ZBTB40: variants seen among roughly 807,000 people sequenced by gnomAD.
ZBTB40 encodes the protein zinc finger and BTB domain containing 40.
Under a neutral mutation model 117.5 loss-of-function variants are expected in ZBTB40, and 60 were observed. That is an observed-to-expected ratio of 0.51 (90% CI 0.41 to 0.63). The LOEUF (loss-of-function observed/expected upper bound fraction) is 0.63, where lower values mean the gene tolerates loss of function less well. ZBTB40 is among the 30% of genes least tolerant of loss of function. The pLI, the probability that ZBTB40 is intolerant of heterozygous loss-of-function variation, is 0.00. For missense variants in ZBTB40, 1,287 were observed against 1,498.5 expected (o/e 0.86, Z 2.33); for synonymous variants, 525 against 577.1 (o/e 0.91, Z 1.29).
intron 1 of ZBTB40, among the ~76,000 whole-genome samples, chr1:22,431,476 C>T (rs968391286): frequency 4.7e-5 from 7 of 150,388 alleles, no homozygotes; most frequent in South Asian, 2.1e-4. Context: ...CAGTGGCCCA[C>T]GCCTGTAATC....
chr1:22,527,639 T>C lies in ZBTB40; in HGVS notation c.*1243T>C, dbSNP rs1639717270. ...CACCAGGCAGGGCTGTCTGCCACCT[T>C]GTGTGGCTTGACCCCCTGTGGAGGG... On this transcript the variant is annotated 3_prime_UTR_variant, in exon 18 of 18. Transcript: ENST00000375647. The C allele has an allele frequency of 6.6e-6, 1 of 152,390 alleles. No homozygotes were observed. The highest frequency in any genetic ancestry group is 1.5e-5 in the Non-Finnish European group (1 of 68,042). The allele number at this position is 152,390 out of a possible 1,614,324, so 9.4% of individuals were successfully genotyped here.
At chr1:22,431,366 G>GTT (rs1413520849) in intron 1 of ZBTB40, among the ~76,000 whole-genome samples, 4 of 14,944 alleles carry the variant, frequency 2.7e-4, no homozygotes, top group African/African-American at 5.0e-4. Flanking sequence ...TATATTTTGT[G>GTT]TGTGTGTGTG....
At chr1:22,519,858 C>T (rs1214309540) in intron 13 of ZBTB40, 3 of 648,332 alleles carry the variant, frequency 4.6e-6, no homozygotes, top group Non-Finnish European at 8.4e-6. Context: ...TGGAGGAATC[C>T]CACCTCCTAG....
rs1299122165 is a variant in ZBTB40 at position 22,517,324 on chromosome 1, G to A, written c.2693G>A (p.Cys898Tyr). The A allele has an allele frequency of 6.2e-7, 1 of 1,614,194 alleles. No homozygotes were observed. The highest frequency in any genetic ancestry group is 1.1e-5 in the South Asian group (1 of 91,088). ...GGGAAAATGTATGCATGCCAGTACT[G>A]TGATGCTGTGTTTGCCCAGTCTATT... The part of the protein sequence containing the change: ...SEGKMYACQY[C>Y]DAVFAQSIEL... The change falls in exon 13 of 18, where the codon TGT becomes TAT. Residue 898 changes from cysteine (C) to tyrosine (Y), a missense_variant. Around this residue, in one of 2 missense-constraint regions of ZBTB40, gnomAD observed 417 missense variants for 564.1 expected, o/e 0.74. Transcript: ENST00000375647.
chr1:22,475,273 C>T (rs1641527112), intron 1 of ZBTB40, among the ~76,000 whole-genome samples: 1 of 152,194 alleles, frequency 6.6e-6, no homozygotes, highest in Non-Finnish European at 1.5e-5. Context: ...TTTAATTATG[C>T]TGTTCCTAGT....
Position 22,511,619 on chromosome 1 carries a change from A to G in ZBTB40, c.2003-57A>G, listed in dbSNP as rs183421528. ...CTGTAAGAAGTGTGTTAGAAACGTT[A>G]TAAAGCAAAATAGAAACAGAGAGTT... On this transcript the variant is annotated intron_variant, in intron 10 of 17. Coordinates refer to ENST00000375647, the MANE Select transcript of ZBTB40 (RefSeq NM_014870.4). 7.0e-4 allele frequency: 1,104 copies of G among 1,579,962 alleles called. 3 individuals carry two copies. Among genetic ancestry groups the G allele is most frequent in the Non-Finnish European group, 5.6e-4 (654 of 1,161,038 alleles).
chr1:22,519,811 C>G (rs1639472016), intron 13 of ZBTB40: 2 of 556,948 alleles, frequency 3.6e-6, no homozygotes, highest in Admixed American at 6.1e-5. Flanking sequence ...TGGAGATGAA[C>G]TACATGATGC....
chr1:22,525,756 C>T (rs1234135679), intron 17 of ZBTB40, among the ~76,000 whole-genome samples: 4 of 152,258 alleles, frequency 2.6e-5, no homozygotes, highest in Admixed American at 2.0e-4. Context: ...TGTGAGCCTG[C>T]GAGAGGTCCA....
Position 22,495,522 on chromosome 1 carries a change from G to GT in ZBTB40, c.831+3996dup, listed in dbSNP as rs571184061. On this transcript the variant is annotated intron_variant, in intron 3 of 17. Transcript: ENST00000375647. ...TTTTTGTTTTGTTTTGTTTTGTTTTGTTTTTTTGAGACGGAATCTTGCTCT... is the reference window on the plus strand; with the variant it reads ...TTTTTGTTTTGTTTTGTTTTGTTTTGTTTTTTTTGAGACGGAATCTTGCTCT... 3.3e-5 allele frequency among the ~76,000 whole-genome samples: 5 copies of GT among 151,750 alleles called. No individual in the cohort carries two copies. In the South Asian group the frequency reaches 1.0e-3, roughly 32 times the overall value.
At chr1:22,496,916 C>T (rs1569847481) in intron 3 of ZBTB40, among the ~76,000 whole-genome samples, 1 of 152,192 alleles carries the variant, frequency 6.6e-6, no homozygotes, top group Admixed American at 6.5e-5. Flanking sequence ...TGGATCAGTC[C>T]AAGTCCCAAA....
Position 22,511,255 on chromosome 1 carries a change from C to G in ZBTB40, c.1910C>G (p.Ser637Ter). The G allele has an allele frequency of 6.2e-7, 1 of 1,614,080 alleles. No homozygotes were observed. Among genetic ancestry groups the G allele is most frequent in the Non-Finnish European group, 8.5e-7 (1 of 1,180,026 alleles). The part of the protein sequence containing the change: ...RAVLSRAMEK[S>*]VPAIEICHLL... ...GTGCTGAGCAGAGCCATGGAAAAAT[C>G]AGTCCCGGCCATTGAAATATGCCAC... is the stretch of plus-strand genomic sequence containing the variant. The change falls in exon 10 of 18, where the codon TCA (serine) becomes TGA (stop). Residue 637 changes from serine (S) to a stop codon, truncating the protein, a stop_gained. Transcript: ENST00000375647. LOFTEE classifies it high-confidence loss of function.
At chr1:22,515,884 C>G (rs1319817491) in intron 12 of ZBTB40, among the ~76,000 whole-genome samples, 1 of 152,156 alleles carries the variant, frequency 6.6e-6, no homozygotes, top group East Asian at 1.9e-4. Flanking sequence ...GAAGTTAATT[C>G]TGGCCACTCC....
At chr1:22,524,636 G>A (rs1274343597) in intron 17 of ZBTB40, among the ~76,000 whole-genome samples, 192 bp downstream of exon 17, 1 of 152,198 alleles carries the variant, frequency 6.6e-6, no homozygotes, top group Non-Finnish European at 1.5e-5. Context: ...CTTAGGTAGA[G>A]GGAGCCTGGA....
In ZBTB40 at chr1:22,490,591, C is replaced by G; in HGVS notation, c.643C>G (p.Pro215Ala). ...ETPTTAEACS[P>A]SPAVQTFSEA... ...TCCTACTACAGCTGAAGCTTGTTCCCCCTCCCCTGCTGTGCAAACCTTTAG... is the reference window on the plus strand; with the variant it reads ...TCCTACTACAGCTGAAGCTTGTTCCGCCTCCCCTGCTGTGCAAACCTTTAG... The change falls in exon 2 of 18, where the codon CCC (proline) becomes GCC (alanine). Residue 215 changes from proline (P) to alanine (A), a missense_variant. Around this residue, in one of 2 missense-constraint regions of ZBTB40, gnomAD observed 870 missense variants for 934.4 expected, o/e 0.93. Transcript: ENST00000375647. The G allele has an allele frequency of 6.2e-7, 1 of 1,614,046 alleles. No homozygotes were observed. Among genetic ancestry groups the G allele is most frequent in the Non-Finnish European group, 8.5e-7 (1 of 1,180,034 alleles).
rs1454329783 is a variant in ZBTB40, at chr1:22,469,398, C to T, written c.-70+17394C>T. Among the ~76,000 whole-genome samples the T allele has an allele frequency of 2.0e-5, 3 of 152,166 alleles. No homozygotes were observed. In the East Asian group the frequency reaches 5.8e-4, roughly 29 times the overall value. On this transcript the variant is annotated intron_variant, in intron 1 of 17. Coordinates refer to ENST00000375647, the MANE Select transcript of ZBTB40 (RefSeq NM_014870.4). ...TCGCAGGTGTGATCAAAGAGCACTA[C>T]AGCCTTGGCCTCCTGGCCTCAAGCC...
chr1:22,491,426 A>C lies in ZBTB40; in HGVS notation c.724A>C (p.Asn242His), dbSNP rs766319730. The change falls in exon 3 of 18, where the codon AAT (asparagine) becomes CAT (histidine). Residue 242 changes from asparagine to histidine, a missense_variant. Asn to His is a moderately conservative substitution (Grantham distance 68, BLOSUM62 1). Transcript: ENST00000375647. ...ATGTGAAAGGAAACACTACCAGCTG[A>C]ATTTTCTTCTAGAAAATGAAGGTGT... The part of the protein sequence containing the change: ...PGCERKHYQL[N>H]FLLENEGVFS... 1 of 1,613,942 alleles carries C rather than the reference A, an allele frequency of 6.2e-7. No homozygotes were observed. The highest frequency in any genetic ancestry group is 1.7e-5 in the Admixed American group (1 of 60,018).
intron 1 of ZBTB40, among the ~76,000 whole-genome samples, chr1:22,441,907 C>T (rs1640737390): frequency 1.3e-5 from 2 of 152,160 alleles, no homozygotes; most frequent in African/African-American, 4.8e-5. Context: ...CATTTATACA[C>T]ATAAATTTAC....
chr1:22,479,311 AT>A (rs1277896205), intron 1 of ZBTB40, among the ~76,000 whole-genome samples: 5 of 151,746 alleles, frequency 3.3e-5, no homozygotes, highest in Non-Finnish European at 7.4e-5. Context: ...GCTGCTTGCT[AT>A]TTTTTTCTTA....
At chr1:22,430,322 G>A (rs1049381318) in intron 1 of ZBTB40, among the ~76,000 whole-genome samples, 1 of 152,148 alleles carries the variant, frequency 6.6e-6, no homozygotes, top group Non-Finnish European at 1.5e-5. Flanking sequence ...AGGTGCAGTC[G>A]CTCACACCTG....
Sources: allele counts gnomAD v4.1 joint callset (sites outside exome capture counted in the v4.1 genomes callset), GRCh38; gene constraint gnomAD v4.1.1; regional missense constraint gnomAD v4.1.1; transcripts MANE v1.5; gene names NCBI Gene and HGNC (gene_info 2026-07-23, HGNC 2026-07-21).